The following MEGF6 variants were observed in gnomAD, a reference collection of about 807,000 sequenced individuals.
MEGF6 encodes the protein multiple epidermal growth factor-like domains protein 6.
A neutral mutation model predicts 207.1 loss-of-function variants in MEGF6; 184 were observed. The ratio of observed to expected loss-of-function variants is 0.89; its 90% confidence interval spans 0.79 to 1.00. The LOEUF is 1.00. Among genes scored for constraint, MEGF6 ranks in the 50% least tolerant of loss-of-function variants. The pLI is 0.00. For synonymous variants in MEGF6, 1,038 were observed against 910.0 expected, an observed-to-expected ratio of 1.14 and a Z score of -2.53; for missense variants, 2,282 against 2,202.9, an observed-to-expected ratio of 1.04 and a Z score of -0.72.
intron 4 of MEGF6, among the ~76,000 whole-genome samples, 182 bp downstream of exon 4, chr1:3,579,643 A>C (rs1180549895): frequency 6.6e-6 from 1 of 152,132 alleles, no homozygotes; most frequent in Non-Finnish European, 1.5e-5. Context: ...TCCCCTCGAC[A>C]CCCTCAGAGG....
At chr1:3,559,804 G>A (rs1372656211) in intron 4 of MEGF6, among the ~76,000 whole-genome samples, 1 of 152,124 alleles carries the variant, frequency 6.6e-6, no homozygotes, top group Non-Finnish European at 1.5e-5. Context: ...GAGGTCAGGA[G>A]TTCAAGACCA....
In MEGF6 at chr1:3,611,348, C is replaced by A; in HGVS notation, c.-80G>T. 7.3e-7 allele frequency: 1 copy of A among 1,361,642 alleles called. No individual in the cohort carries two copies. 84.3% of individuals were successfully genotyped at this position (1,361,642 alleles called of 1,614,324 possible). On this transcript the variant is annotated 5_prime_UTR_variant, in exon 1 of 37. Coordinates refer to ENST00000356575, the MANE Select transcript of MEGF6 (RefSeq NM_001409.4). ...CCCGGAGCCTCCGCCTCCACGTGCG[C>A]CATAGGACGCAGCCACAGGTGCCCG... is the stretch of plus-strand genomic sequence containing the variant.
intron 4 of MEGF6, among the ~76,000 whole-genome samples, chr1:3,525,886 G>A (rs1039236004): frequency 6.6e-6 from 1 of 152,224 alleles, no homozygotes; most frequent in African/African-American, 2.4e-5. Flanking sequence ...GGCCTCGGGG[G>A]AATCCAGGCA....
chr1:3,510,995 C>G (rs1266541197), intron 9 of MEGF6, 93 bp from the exon 10 acceptor site: 2 of 1,500,354 alleles, frequency 1.3e-6, no homozygotes, highest in African/African-American at 2.8e-5. Flanking sequence ...CACACACAAC[C>G]CACGCGCCCG....
rs748011954 is a variant in MEGF6 at position 3,501,779 on chromosome 1, C to T, written c.2314+17G>A. Reference sequence around the variant, plus strand: ...GCAGCCTGGGGAGGCGGAACTGGGGCTGCGGCTGACACTCACCTGCCTCAC... The same window carrying T: ...GCAGCCTGGGGAGGCGGAACTGGGGTTGCGGCTGACACTCACCTGCCTCAC... On this transcript the variant is annotated intron_variant, in intron 18 of 36. Transcript: ENST00000356575. 1 of 1,609,194 alleles carries T rather than the reference C, an allele frequency of 6.2e-7. No individual in the cohort carries two copies. The highest frequency in any genetic ancestry group is 2.2e-5 in the East Asian group (1 of 44,740).
chr1:3,522,903 C>T (rs904679617), intron 5 of MEGF6, among the ~76,000 whole-genome samples: 2 of 152,194 alleles, frequency 1.3e-5, no homozygotes, highest in African/African-American at 4.8e-5. Context: ...GGCTAAAGTG[C>T]CCCAGGCTCC....
At chr1:3,561,646 C>T (rs1037536433) in intron 4 of MEGF6, among the ~76,000 whole-genome samples, 3 of 152,126 alleles carry the variant, frequency 2.0e-5, no homozygotes, top group Non-Finnish European at 4.4e-5. Context: ...TGACAAAGAC[C>T]GTTCCCGCCC....
At chr1:3,499,030 G>A (rs1640736493) in intron 24 of MEGF6, 108 bp downstream of exon 24, 1 of 1,481,562 alleles carries the variant, frequency 6.7e-7, no homozygotes, top group African/African-American at 1.4e-5. Flanking sequence ...AGTCCTAACA[G>A]CCCCTTCCTC....
intron 3 of MEGF6, among the ~76,000 whole-genome samples, chr1:3,587,416 C>T (rs1643907429): frequency 6.6e-6 from 1 of 152,244 alleles, no homozygotes; most frequent in Non-Finnish European, 1.5e-5. Flanking sequence ...ACCCTTTCTC[C>T]TATCTCTTTT....
chr1:3,597,720 G>C (rs916199858), intron 2 of MEGF6, among the ~76,000 whole-genome samples: 1 of 152,164 alleles, frequency 6.6e-6, no homozygotes, highest in Non-Finnish European at 1.5e-5. Context: ...GAAGCTGGGG[G>C]CTGTGACAGA....
At chr1:3,553,699 C>CA (rs1439062367) in intron 4 of MEGF6, among the ~76,000 whole-genome samples, 3 of 152,186 alleles carry the variant, frequency 2.0e-5, no homozygotes, top group Non-Finnish European at 4.4e-5. Flanking sequence ...GGAGCACTGA[C>CA]GAAAACCAGC....
At chr1:3,606,694 A>T (rs1644253763) in intron 1 of MEGF6, among the ~76,000 whole-genome samples, 1 of 152,148 alleles carries the variant, frequency 6.6e-6, no homozygotes, top group Non-Finnish European at 1.5e-5. Flanking sequence ...CAGGCATTGA[A>T]CGCTTTTGCC....
chr1:3,509,834 C>A, intron 11 of MEGF6, 36 bp downstream of exon 11: 8 of 1,520,446 alleles, frequency 5.3e-6, no homozygotes, highest in Non-Finnish European at 7.1e-6. Context: ...CTCGAGAAGG[C>A]AGAGGCCGGT....
At chr1:3,604,211 C>G (rs956360877) in intron 1 of MEGF6, among the ~76,000 whole-genome samples, 1 of 152,174 alleles carries the variant, frequency 6.6e-6, no homozygotes, top group Non-Finnish European at 1.5e-5. Flanking sequence ...GACCTCCTGC[C>G]GAGAGGTTCT....
intron 4 of MEGF6, among the ~76,000 whole-genome samples, chr1:3,538,841 C>T (rs955135115): frequency 6.6e-6 from 1 of 152,142 alleles, no homozygotes; most frequent in African/African-American, 2.4e-5. Flanking sequence ...ACACAGCACC[C>T]GCTGGGGATG....
At chr1:3,575,323 C>G (rs910076350) in intron 4 of MEGF6, among the ~76,000 whole-genome samples, 2 of 152,096 alleles carry the variant, frequency 1.3e-5, no homozygotes, top group African/African-American at 4.8e-5. Context: ...TCTGATGGGA[C>G]CCCAAAGTCC....
intron 5 of MEGF6, among the ~76,000 whole-genome samples, chr1:3,519,429 G>A (rs1165523439): frequency 1.3e-5 from 2 of 152,248 alleles, no homozygotes; most frequent in African/African-American, 2.4e-5. Flanking sequence ...GCTGCACGGC[G>A]CACCATGGGC....
intron 4 of MEGF6, among the ~76,000 whole-genome samples, chr1:3,538,005 C>T (rs1026188043): frequency 6.6e-6 from 1 of 152,184 alleles, no homozygotes; most frequent in African/African-American, 2.4e-5. Context: ...CTGGCCCCCA[C>T]TGCAGACAGC....
At position 3,506,093 on chromosome 1, in the gene MEGF6, G is replaced by A. The variant is rs920195065; in HGVS notation, c.1918+15C>T. On this transcript the variant is annotated intron_variant, in intron 15 of 36. Coordinates refer to ENST00000356575, the MANE Select transcript of MEGF6 (RefSeq NM_001409.4). ...TGCCACCACCATGGACACTGGAAGG[G>A]GCAGTGAGACTCACTGAGGTGGCAG... is the stretch of plus-strand genomic sequence containing the variant. 3.8e-6 allele frequency: 6 copies of A among 1,581,292 alleles called. No homozygotes were observed. Among genetic ancestry groups the A allele is most frequent in the Non-Finnish European group, 5.2e-6 (6 of 1,163,738 alleles).
Sources: gnomAD v4.1 joint callset for allele counts (sites outside exome capture counted in the v4.1 genomes callset) on GRCh38, gnomAD v4.1.1 for gene constraint, MANE v1.5 for transcripts, NCBI Gene and HGNC (gene_info 2026-07-23, HGNC 2026-07-21) for gene names.